Variants in NIBAN1 observed in about 807,000 individuals in gnomAD.
NIBAN1 encodes niban apoptosis regulator 1, also known as protein Niban 1.
NIBAN1 carries 81 observed loss-of-function variants against 75.1 expected under a neutral mutation model. The observed-to-expected ratio is 1.08, with a 90% CI of 0.90 to 1.30. The LOEUF (loss-of-function observed/expected upper bound fraction) is 1.30. Among genes scored for constraint, NIBAN1 ranks in the 50% most tolerant of loss-of-function variants. The probability of loss-of-function intolerance (pLI) is 0.00; values close to 1 mark genes in which losing one functional copy is unlikely to be tolerated. For missense variants in NIBAN1, 1,133 were observed against 1,128.1 expected, an observed-to-expected ratio of 1.00 and a Z score of -0.06; for synonymous variants, 436 against 424.8, an observed-to-expected ratio of 1.03 and a Z score of -0.32.
At chr1:184,927,992 AT>A (rs2102027803) in intron 1 of NIBAN1, among the ~76,000 whole-genome samples, 1 of 152,110 alleles carries the variant, frequency 6.6e-6, no homozygotes, top group South Asian at 2.1e-4. Context: ...GTCTCACTCA[AT>A]GCCCATGGCA....
chr1:184,885,442 T>A (rs1656500227), intron 4 of NIBAN1, among the ~76,000 whole-genome samples: 1 of 152,212 alleles, frequency 6.6e-6, no homozygotes, highest in Non-Finnish European at 1.5e-5. Context: ...CCCAAAGTGC[T>A]GGGATTACAG....
At chr1:184,873,808 C>T (rs1176102247) in intron 5 of NIBAN1, among the ~76,000 whole-genome samples, 1 of 152,086 alleles carries the variant, frequency 6.6e-6, no homozygotes, top group Non-Finnish European at 1.5e-5. Flanking sequence ...GTATGCTTTC[C>T]TCCTGTTAAT....
At chr1:184,828,487 CT>C (rs945897629) in intron 6 of NIBAN1, among the ~76,000 whole-genome samples, 1 of 152,220 alleles carries the variant, frequency 6.6e-6, no homozygotes, top group African/African-American at 2.4e-5. Context: ...CTCCGGGCCC[CT>C]GGCCTCTTTT....
intron 1 of NIBAN1, among the ~76,000 whole-genome samples, chr1:184,911,517 A>G (rs1460041132): frequency 6.6e-6 from 1 of 152,172 alleles, no homozygotes; most frequent in Non-Finnish European, 1.5e-5. Flanking sequence ...AGGTGTTCCA[A>G]TTAAGTTGCA....
chr1:184,955,139 T>A (rs886617463), intron 1 of NIBAN1, among the ~76,000 whole-genome samples: 2 of 152,192 alleles, frequency 1.3e-5, no homozygotes, highest in African/African-American at 4.8e-5. Flanking sequence ...TAATATTAAT[T>A]ATTTTACATT....
chr1:184,927,968 C>A (rs2102027771), intron 1 of NIBAN1, among the ~76,000 whole-genome samples: 1 of 152,096 alleles, frequency 6.6e-6, no homozygotes. Flanking sequence ...CACCTGAATC[C>A]AGCACAGCTC....
chr1:184,911,649 G>T (rs1293366732), intron 1 of NIBAN1, among the ~76,000 whole-genome samples: 1 of 152,118 alleles, frequency 6.6e-6, no homozygotes, highest in African/African-American at 2.4e-5. Flanking sequence ...ACAAAATCAA[G>T]GTTAAAAAGT....
At chr1:184,874,880 A>AT (rs945500205) in intron 5 of NIBAN1, among the ~76,000 whole-genome samples, 1 of 152,082 alleles carries the variant, frequency 6.6e-6, no homozygotes, top group African/African-American at 2.4e-5. Context: ...TAGAATATAT[A>AT]TTGTTTTCAA....
intron 1 of NIBAN1, among the ~76,000 whole-genome samples, chr1:184,936,698 C>CGTGT (rs1415169805): frequency 1.3e-5 from 2 of 151,866 alleles, no homozygotes; most frequent in Admixed American, 6.5e-5. Context: ...TGCGTGCGTG[C>CGTGT]GTGTGTGTGT....
At position 184,794,550 on chromosome 1, in the gene NIBAN1, ATAG is replaced by A; in HGVS notation, c.*424_*426del. The A allele has an allele frequency of 3.4e-6, 1 of 292,088 alleles. No homozygotes were observed. Among genetic ancestry groups the A allele is most frequent in the Non-Finnish European group, 6.6e-6 (1 of 151,234 alleles). The allele number at this position is 292,088 out of a possible 1,614,324, so 18.1% of individuals were successfully genotyped here. A position where few individuals can be genotyped will look rare whatever the true frequency, so the allele number is the denominator to read the frequency against. ...AGAGATGGTGAAGTAGGCATAGTAG[ATAG>A]TAAAGGTAGACTTACAGTATACATT... is the stretch of plus-strand genomic sequence containing the variant. On this transcript the variant is annotated 3_prime_UTR_variant, in exon 14 of 14. Coordinates refer to ENST00000367511, the MANE Select transcript of NIBAN1 (RefSeq NM_052966.4).
intron 2 of NIBAN1, among the ~76,000 whole-genome samples, chr1:184,897,843 A>G (rs953991812): frequency 2.0e-5 from 3 of 152,120 alleles, no homozygotes; most frequent in African/African-American, 7.2e-5. Flanking sequence ...TGTCAGCTCT[A>G]TCATAAGCAC....
intron 1 of NIBAN1, among the ~76,000 whole-genome samples, chr1:184,906,612 A>G (rs772330445): frequency 6.6e-6 from 1 of 152,224 alleles, no homozygotes; most frequent in Non-Finnish European, 1.5e-5. Flanking sequence ...CCTGGGTAAC[A>G]AGAGTGAAAC....
At chr1:184,908,711 G>T (rs931948612) in intron 1 of NIBAN1, among the ~76,000 whole-genome samples, 3 of 152,116 alleles carry the variant, frequency 2.0e-5, no homozygotes, top group African/African-American at 7.2e-5. Flanking sequence ...GAAGTGCTTG[G>T]AAATTTTCAA....
intron 5 of NIBAN1, among the ~76,000 whole-genome samples, chr1:184,855,321 A>AG (rs1655647421): frequency 1.3e-5 from 2 of 152,230 alleles, no homozygotes; most frequent in African/African-American, 2.4e-5. Context: ...TAGCATCCTT[A>AG]GCAGCTGGGC....
intron 8 of NIBAN1, among the ~76,000 whole-genome samples, chr1:184,821,924 C>G (rs1237276844): frequency 6.6e-6 from 1 of 152,122 alleles, no homozygotes; most frequent in Admixed American, 6.5e-5. Flanking sequence ...CTCCTCTCAG[C>G]AGGACCTGTG....
intron 5 of NIBAN1, among the ~76,000 whole-genome samples, chr1:184,861,438 G>C (rs1331625063): frequency 1.3e-5 from 2 of 152,010 alleles, no homozygotes; most frequent in African/African-American, 2.4e-5. Flanking sequence ...TCAGCACTTA[G>C]CAAGGGCTCA....
intron 2 of NIBAN1, among the ~76,000 whole-genome samples, chr1:184,898,488 C>T (rs1478604262): frequency 1.3e-5 from 2 of 152,118 alleles, no homozygotes; most frequent in African/African-American, 4.8e-5. Flanking sequence ...TGGTGGTGCG[C>T]ACCTGTAATC....
intron 9 of NIBAN1, among the ~76,000 whole-genome samples, 181 bp from the exon 10 acceptor site, chr1:184,808,416 G>T (rs1274741917): frequency 6.6e-6 from 1 of 152,120 alleles, no homozygotes; most frequent in Non-Finnish European, 1.5e-5. Context: ...TGGGTTCCTA[G>T]GGTAGCTGTA....
intron 13 of NIBAN1, among the ~76,000 whole-genome samples, chr1:184,797,017 A>G (rs1415010253): frequency 6.6e-6 from 1 of 152,098 alleles, no homozygotes; most frequent in East Asian, 1.9e-4. Context: ...ATTAGCTACT[A>G]GGACCTTGGG....
Sources: allele counts gnomAD v4.1 joint callset (sites outside exome capture counted in the v4.1 genomes callset), GRCh38; gene constraint gnomAD v4.1.1; transcripts MANE v1.5; gene names NCBI Gene and HGNC (gene_info 2026-07-23, HGNC 2026-07-21).